Variants in SSH2 observed in about 807,000 individuals in gnomAD.
SSH2 encodes slingshot protein phosphatase 2, also known as protein phosphatase Slingshot homolog 2.
Under a neutral mutation model 135.2 loss-of-function variants are expected in SSH2, and 37 were observed. That is an observed-to-expected ratio of 0.27 (90% confidence interval 0.21 to 0.36). SSH2 has a LOEUF of 0.36. Among genes scored for constraint, SSH2 ranks in the 10% least tolerant of loss-of-function variants. The pLI is 1.00. For synonymous variants in SSH2, 628 were observed against 646.2 expected (o/e 0.97, Z 0.43); for missense variants, 1,408 against 1,765.3 (o/e 0.80, Z 3.63).
At chr17:29,815,815 C>T (rs917315714) in intron 2 of SSH2, among the ~76,000 whole-genome samples, 1 of 152,062 alleles carries the variant, frequency 6.6e-6, no homozygotes, top group Non-Finnish European at 1.5e-5. Flanking sequence ...ATTCAATGTC[C>T]TTTTTCTCTA....
chr17:29,913,043 C>A (rs905760528), intron 1 of SSH2, among the ~76,000 whole-genome samples: 1 of 151,498 alleles, frequency 6.6e-6, no homozygotes, highest in African/African-American at 2.4e-5. Context: ...TCCAGCCAGG[C>A]ACAGTGGCTC....
At chr17:29,904,337 T>C (rs1161810489) in intron 1 of SSH2, among the ~76,000 whole-genome samples, 4 of 152,138 alleles carry the variant, frequency 2.6e-5, no homozygotes, top group Non-Finnish European at 5.9e-5. Flanking sequence ...GGATGCAAGG[T>C]TGGTTCAACA....
intron 1 of SSH2, among the ~76,000 whole-genome samples, chr17:29,857,851 T>A (rs923545232): frequency 6.6e-6 from 1 of 152,218 alleles, no homozygotes; most frequent in Non-Finnish European, 1.5e-5. Context: ...AGCTTTTTCA[T>A]CTCAAAAAAC....
intron 1 of SSH2, among the ~76,000 whole-genome samples, chr17:29,891,604 AC>A (rs944923251): frequency 6.6e-6 from 1 of 152,166 alleles, no homozygotes; most frequent in Non-Finnish European, 1.5e-5. Flanking sequence ...AAAAAAAAAA[AC>A]AAAATAGCCT....
chr17:29,679,685 C>T (rs1312183697), intron 6 of SSH2, among the ~76,000 whole-genome samples: 3 of 152,198 alleles, frequency 2.0e-5, no homozygotes, highest in African/African-American at 7.2e-5. Flanking sequence ...GGATTACAGG[C>T]GTGAGCCACC....
chr17:29,845,889 C>T (rs1175827975), intron 2 of SSH2, among the ~76,000 whole-genome samples: 1 of 151,984 alleles, frequency 6.6e-6, no homozygotes, highest in African/African-American at 2.4e-5. Context: ...GGAGAAAAAC[C>T]ATTAAAACTA....
At chr17:29,880,000 T>C (rs574313107) in intron 1 of SSH2, among the ~76,000 whole-genome samples, 10 of 152,330 alleles carry the variant, frequency 6.6e-5, no homozygotes, top group Non-Finnish European at 1.3e-4. Flanking sequence ...AGCAAACCAA[T>C]TGCAAAGACA....
rs759325192 is a variant in SSH2 at position 29,631,210 on chromosome 17, C to T, written c.3984G>A (p.Ala1328=). 16 of 1,613,942 alleles carry T rather than the reference C, an allele frequency of 9.9e-6. No homozygotes were observed. In the East Asian group the frequency reaches 1.3e-4, roughly 13 times the overall value. ...TTTCTAGGGACTCTTGGTCCTCCAT[C>T]GCGTGCATGCCTGAGTCTGTTCTGA... ...PFLRTDSGMH[A]MEDQESLENP... The change falls in exon 16 of 16, where the codon GCG becomes GCA. Residue 1328 remains alanine, a synonymous_variant. Coordinates refer to ENST00000540801, the MANE Select transcript of SSH2 (RefSeq NM_001282129.2).
At chr17:29,925,226 G>C in intron 1 of SSH2, 1 of 264,260 alleles carries the variant, frequency 3.8e-6, no homozygotes, top group East Asian at 6.6e-5. Flanking sequence ...TATTATTATA[G>C]TATTATACTT....
At chr17:29,838,131 G>T (rs959485957) in intron 2 of SSH2, among the ~76,000 whole-genome samples, 16 of 152,250 alleles carry the variant, frequency 1.1e-4, no homozygotes, top group African/African-American at 3.6e-4. Context: ...TCTCCTGGCT[G>T]TTGGTGCCCA....
At chr17:29,677,815 C>T in intron 6 of SSH2, 74 bp from the exon 7 acceptor site, 1 of 1,162,262 alleles carries the variant, frequency 8.6e-7, no homozygotes, top group Non-Finnish European at 1.3e-6. Context: ...CTAACTCTTT[C>T]AACACCAAGG....
intron 3 of SSH2, among the ~76,000 whole-genome samples, chr17:29,770,092 GTTTT>G (rs563803251): frequency 2.7e-5 from 2 of 72,924 alleles, no homozygotes; most frequent in African/African-American, 4.7e-5. Flanking sequence ...GCTATATTTA[GTTTT>G]TTTTTTTTTT....
In SSH2 at chr17:29,808,646, C is replaced by A. The variant is rs1207371836; in HGVS notation, c.145-14709G>T. 2.0e-5 allele frequency among the ~76,000 whole-genome samples: 3 copies of A among 152,184 alleles called. No homozygotes were observed. The South Asian group carries it at 6.2e-4, about 32-fold the overall frequency. ...TCTAACTATGTGTATACTATCTGGA[C>A]CATAATTTCAATCTAGATTTTCCTT... On this transcript the variant is annotated intron_variant, in intron 2 of 15. Coordinates refer to ENST00000540801, the MANE Select transcript of SSH2 (RefSeq NM_001282129.2).
chr17:29,742,562 G>A (rs1043300481), intron 3 of SSH2, among the ~76,000 whole-genome samples: 1 of 131,660 alleles, frequency 7.6e-6, no homozygotes, highest in East Asian at 2.3e-4. Context: ...TTGAACTCTT[G>A]GGCCCAAGCA....
At chr17:29,928,360 G>A (rs931107780) in intron 1 of SSH2, 2 of 394,666 alleles carry the variant, frequency 5.1e-6, no homozygotes, top group Admixed American at 4.4e-5. Context: ...TGAAGTACAA[G>A]TATTCTCAAA....
chr17:29,674,063 A>G (rs2037606365), intron 8 of SSH2: 1 of 456,542 alleles, frequency 2.2e-6, no homozygotes, highest in Non-Finnish European at 4.4e-6. Flanking sequence ...GCAAAATGAT[A>G]AGGCATATTG....
chr17:29,795,934 G>A (rs1314424387), intron 2 of SSH2, among the ~76,000 whole-genome samples: 1 of 152,122 alleles, frequency 6.6e-6, no homozygotes, highest in Non-Finnish European at 1.5e-5. Context: ...GTAGAGATGG[G>A]GTTTGGCCAT....
chr17:29,824,725 C>A (rs1470418495), intron 2 of SSH2, among the ~76,000 whole-genome samples: 1 of 152,220 alleles, frequency 6.6e-6, no homozygotes, highest in Non-Finnish European at 1.5e-5. Flanking sequence ...GTGTCTGCTA[C>A]AGACAACTGT....
chr17:29,913,623 TA>T lies in SSH2; in HGVS notation c.63+16314del, dbSNP rs201612982. ...ATAATAAAGAGTCCAAGAAGCTTCC[TA>T]TATTTCTTTCTTTTTTCTTTTTTTT... is the stretch of plus-strand genomic sequence containing the variant. On this transcript the variant is annotated intron_variant, in intron 1 of 15. Coordinates refer to ENST00000540801, the MANE Select transcript of SSH2 (RefSeq NM_001282129.2). Among the ~76,000 whole-genome samples the T allele has an allele frequency of 5.1e-3, 772 of 151,038 alleles. 7 individuals carry two copies. The highest frequency in any genetic ancestry group is 6.5e-3 in the Admixed American group (98 of 15,130).
Sources: gnomAD v4.1 joint callset for allele counts (sites outside exome capture counted in the v4.1 genomes callset) on GRCh38, gnomAD v4.1.1 for gene constraint, MANE v1.5 for transcripts, NCBI Gene and HGNC (gene_info 2026-07-23, HGNC 2026-07-21) for gene names.